Variants in ZZEF1 observed in about 807,000 individuals in gnomAD.
ZZEF1 encodes zinc finger ZZ-type and EF-hand domain containing 1.
In ZZEF1, 157 loss-of-function variants were observed where a neutral mutation model predicts 342.8. The observed-to-expected ratio is 0.46, with a 90% confidence interval of 0.40 to 0.52. The LOEUF is 0.52. Among genes scored for constraint, ZZEF1 ranks in the 20% least tolerant of loss-of-function variants. The pLI is 0.00. For synonymous variants in ZZEF1, 1,505 were observed against 1,429.1 expected (o/e 1.05, Z -1.20); for missense variants, 3,480 against 3,725.6 (o/e 0.93, Z 1.72).
intron 39 of ZZEF1, among the ~76,000 whole-genome samples, chr17:4,041,142 C>T (rs755238605): frequency 3.3e-5 from 5 of 152,140 alleles, no homozygotes; most frequent in South Asian, 2.1e-4. Flanking sequence ...GGTGAATTAC[C>T]AGCTACCTAG....
chr17:4,057,348 G>C (rs2057184833), intron 32 of ZZEF1, among the ~76,000 whole-genome samples: 2 of 150,242 alleles, frequency 1.3e-5, no homozygotes, highest in Admixed American at 1.3e-4. Context: ...CCGCTCTCCT[G>C]AGAGAGTGGA....
chr17:4,122,640 CTCCCCAAG>C (rs1411504161), intron 2 of ZZEF1, among the ~76,000 whole-genome samples: 3 of 152,210 alleles, frequency 2.0e-5, no homozygotes, highest in Admixed American at 1.3e-4. Context: ...CTACCTCGGC[CTCCCCAAG>C]TGCTGGGATT....
At chr17:4,015,263 G>T (rs1241389894) in intron 49 of ZZEF1, among the ~76,000 whole-genome samples, 1 of 152,230 alleles carries the variant, frequency 6.6e-6, no homozygotes, top group Non-Finnish European at 1.5e-5. Flanking sequence ...TGGGACCAAG[G>T]GAGTGGGGCT....
chr17:4,116,268 C>T (rs780985762), intron 3 of ZZEF1, among the ~76,000 whole-genome samples: 2 of 152,232 alleles, frequency 1.3e-5, no homozygotes, highest in African/African-American at 2.4e-5. Context: ...GCAGAGATCA[C>T]GCCATTGCAC....
intron 16 of ZZEF1, among the ~76,000 whole-genome samples, chr17:4,083,732 G>A (rs1478923614): frequency 6.6e-6 from 1 of 151,380 alleles, no homozygotes; most frequent in African/African-American, 2.4e-5. Flanking sequence ...CTGCCTCTCG[G>A]GTTCAAGCAA....
intron 13 of ZZEF1, 35 bp downstream of exon 13, chr17:4,088,643 A>G: frequency 6.2e-7 from 1 of 1,605,106 alleles, no homozygotes; most frequent in South Asian, 1.1e-5. Context: ...CACTTTTCCT[A>G]AAGGAATGCC....
intron 17 of ZZEF1, 62 bp downstream of exon 17, chr17:4,082,375 T>G: frequency 6.4e-7 from 1 of 1,553,114 alleles, no homozygotes; most frequent in East Asian, 2.3e-5. Flanking sequence ...AAGGGCAAGC[T>G]CAAGAAAACA....
chr17:4,010,949 C>G (rs760427356), intron 52 of ZZEF1, among the ~76,000 whole-genome samples: 1 of 151,882 alleles, frequency 6.6e-6, no homozygotes, highest in South Asian at 2.1e-4. Context: ...TTAAGACAAG[C>G]GTGGTGGCTC....
intron 1 of ZZEF1, among the ~76,000 whole-genome samples, chr17:4,130,641 G>A (rs1193528186): frequency 2.0e-5 from 3 of 152,038 alleles, no homozygotes; most frequent in Non-Finnish European, 2.9e-5. Flanking sequence ...CAAGGAAACC[G>A]GGAGAGAAAA....
At chr17:4,092,447 T>C (rs2057963041) in intron 11 of ZZEF1, among the ~76,000 whole-genome samples, 1 of 151,944 alleles carries the variant, frequency 6.6e-6, no homozygotes, top group Non-Finnish European at 1.5e-5. Flanking sequence ...TACAGGTGCC[T>C]GCCACCACAC....
In ZZEF1 at chr17:4,056,360, TAAAG is replaced by T; in HGVS notation, c.5166-19_5166-16del. On this transcript the variant is annotated splice_polypyrimidine_tract_variant and intron_variant, in intron 32 of 54. Transcript: ENST00000381638. The stretch of plus-strand genomic sequence containing the variant: ...CACTCCATTGGCTGAAAGAAGGACA[TAAAG>T]AGAGAAAAGCATGCCTCTCCCAATC... The T allele has an allele frequency of 6.4e-7, 1 of 1,570,624 alleles. No homozygotes were observed. Among genetic ancestry groups the T allele is most frequent in the Non-Finnish European group, 8.6e-7 (1 of 1,158,214 alleles).
chr17:4,079,718 A>G (rs1292614003), intron 18 of ZZEF1, among the ~76,000 whole-genome samples: 3 of 152,222 alleles, frequency 2.0e-5, no homozygotes, highest in East Asian at 1.9e-4. Flanking sequence ...GGCACCCTAC[A>G]GGTGCTCTGA....
At position 4,062,773 on chromosome 17, in the gene ZZEF1, G is replaced by C; in HGVS notation, c.4863C>G (p.Thr1621=). 3 of 1,609,066 alleles carry C rather than the reference G, an allele frequency of 1.9e-6. No individual in the cohort carries two copies. The highest frequency in any genetic ancestry group is 8.5e-7 in the Non-Finnish European group (1 of 1,177,390). Residue 1621 remains threonine, a synonymous_variant, in exon 30 of 55, where the codon ACC becomes ACG. Transcript: ENST00000381638. ...PFILFLLELL[T]CQKDFTNYFG... is the part of the protein sequence containing the mutation. ...CTTACTTGGTAAAATCTTTCTGACA[G>C]GTCAGAAGTTCCAACAGGAAAAGTA...
rs780905133 is a variant in ZZEF1, at chr17:4,042,449, T to C, written c.6286A>G (p.Met2096Val). 15 of 1,613,408 alleles carry C rather than the reference T, an allele frequency of 9.3e-6. No homozygotes were observed. Among genetic ancestry groups the C allele is most frequent in the South Asian group, 7.7e-5 (7 of 90,928 alleles). Residue 2096 changes from methionine to valine, a missense_variant, in exon 39 of 55, where the codon ATG becomes GTG. Physicochemically the swap from Met to Val is conservative, Grantham distance 21 (BLOSUM62 1). Coordinates refer to ENST00000381638, the MANE Select transcript of ZZEF1 (RefSeq NM_015113.4). Reference protein sequence around the residue: ...QKRILGLLAAMLPPLKSGPTV... With the variant: ...QKRILGLLAAVLPPLKSGPTV... ...CTTACCGACTTTAAGGGAGGTAACATGGCTGCTAGTAATCCCAAAATCCTC... is the reference window on the plus strand; with the variant it reads ...CTTACCGACTTTAAGGGAGGTAACACGGCTGCTAGTAATCCCAAAATCCTC...
chr17:4,034,000 G>C lies in ZZEF1; in HGVS notation c.6584+15C>G, dbSNP rs183720921. The C allele has an allele frequency of 6.2e-7, 1 of 1,611,434 alleles. No homozygotes were observed. Among genetic ancestry groups the C allele is most frequent in the Non-Finnish European group, 8.5e-7 (1 of 1,178,196 alleles). ...ATAGAGGGCAGGTGGTTAGAGGAGCGAGGACCAAGGCTACCTGTCCAGACA... is the reference window on the plus strand; with the variant it reads ...ATAGAGGGCAGGTGGTTAGAGGAGCCAGGACCAAGGCTACCTGTCCAGACA... On this transcript the variant is annotated intron_variant, in intron 40 of 54. Transcript: ENST00000381638.
At chr17:4,122,505 G>T (rs977903311) in intron 2 of ZZEF1, among the ~76,000 whole-genome samples, 2 of 151,770 alleles carry the variant, frequency 1.3e-5, no homozygotes, top group African/African-American at 4.8e-5. Context: ...TTAGCCTCCC[G>T]AATAGCTGGG....
chr17:4,023,179 C>T (rs1191319005), intron 43 of ZZEF1, among the ~76,000 whole-genome samples: 1 of 152,312 alleles, frequency 6.6e-6, no homozygotes, highest in Admixed American at 6.5e-5. Flanking sequence ...GCTTGCTACT[C>T]ACTCCGCGTG....
chr17:4,142,683 C>A lies in ZZEF1; in HGVS notation c.213G>T (p.Ser71=), dbSNP rs1247066208. Residue 71 remains serine (S), a synonymous_variant, in exon 1 of 55, where the codon TCG becomes TCT. Coordinates refer to ENST00000381638, the MANE Select transcript of ZZEF1 (RefSeq NM_015113.4). ...ACGCGCCGCGATGCCTCGACACCAG[C>A]GACTCGCAGGGGGGTGTGGGCAGCA... is the stretch of plus-strand genomic sequence containing the variant. ...AALLPTPPCE[S]LVSRHRGALF... is the part of the protein sequence containing the mutation. 6.2e-7 allele frequency: 1 copy of A among 1,606,642 alleles called. No individual in the cohort carries two copies. Among genetic ancestry groups the A allele is most frequent in the East Asian group, 2.2e-5 (1 of 44,840 alleles).
In ZZEF1 at chr17:4,054,100, A is replaced by G; in HGVS notation, c.5391T>C (p.Cys1797=). The G allele has an allele frequency of 6.2e-7, 1 of 1,613,852 alleles. No individual in the cohort carries two copies. Among genetic ancestry groups the G allele is most frequent in the Non-Finnish European group, 8.5e-7 (1 of 1,179,858 alleles). ...AGAGATCCATGTCGCTGCACTGCAG[A>G]CAGCGGTATCGATGCCAGGGGGCAA... ...DEIAPWHRYR[C]LQCSDMDLCK... Residue 1797 remains cysteine (C), a synonymous_variant, in exon 34 of 55, where the codon TGT becomes TGC. Coordinates refer to ENST00000381638, the MANE Select transcript of ZZEF1 (RefSeq NM_015113.4).
Sources: gnomAD v4.1 joint callset for allele counts (sites outside exome capture counted in the v4.1 genomes callset) on GRCh38, gnomAD v4.1.1 for gene constraint, MANE v1.5 for transcripts, NCBI Gene and HGNC (gene_info 2026-07-23, HGNC 2026-07-21) for gene names.